CCDC3: variants seen among roughly 807,000 people sequenced by gnomAD.
CCDC3 encodes the protein coiled-coil domain-containing protein 3.
A neutral mutation model predicts 21.4 loss-of-function variants in CCDC3; 24 were observed. The ratio of observed to expected loss-of-function variants is 1.12; its 90% CI spans 0.81 to 1.58. The LOEUF is 1.58. CCDC3 is among the 40% of genes most tolerant of loss of function. The pLI is 0.00. For missense variants in CCDC3, 425 were observed against 360.9 expected (o/e 1.18, Z -1.44); for synonymous variants, 186 against 166.0 (o/e 1.12, Z -0.93).
At chr10:12,981,308 TA>T (rs1253243911) in intron 2 of CCDC3, among the ~76,000 whole-genome samples, 1 of 150,592 alleles carries the variant, frequency 6.6e-6, no homozygotes, top group Non-Finnish European at 1.5e-5. Context: ...GCCTCCCGAG[TA>T]GGTAGAATTA....
At chr10:12,917,423 C>T (rs1364068775) in intron 2 of CCDC3, among the ~76,000 whole-genome samples, 1 of 151,934 alleles carries the variant, frequency 6.6e-6, no homozygotes, top group African/African-American at 2.4e-5. Flanking sequence ...GTCTCGATCT[C>T]CTGACCTCGT....
chr10:12,916,621 GAAAA>G (rs71386130), intron 2 of CCDC3, among the ~76,000 whole-genome samples: 1 of 142,284 alleles, frequency 7.0e-6, no homozygotes, highest in Non-Finnish European at 1.5e-5. Flanking sequence ...CTCCATCTCA[GAAAA>G]AAAAAAAAAT....
At position 13,040,373 on chromosome 10, in the gene CCDC3, G is replaced by A. The variant is rs75693311; in HGVS notation, c.-2+9301C>T. On this transcript the variant is annotated intron_variant, in intron 5 of 6. Transcript: ENST00000378839. ...AAGGAAGTGAGCCTTATCTATCAGT[G>A]GAGGTTGAACAACCAGCAACGTGAG... is the stretch of plus-strand genomic sequence containing the variant. Among the ~76,000 whole-genome samples, 1,348 of 152,278 alleles carry A rather than the reference G, an allele frequency of 8.9e-3. 17 individuals are homozygous for A. Among genetic ancestry groups the A allele is most frequent in the Middle Eastern group, 0.024 (7 of 294 alleles).
chr10:13,046,446 C>A (rs1836531153), intron 5 of CCDC3, among the ~76,000 whole-genome samples: 1 of 151,634 alleles, frequency 6.6e-6, no homozygotes. Flanking sequence ...GTGGCTCATG[C>A]CTGTAATCCC....
intron 4 of CCDC3, among the ~76,000 whole-genome samples, chr10:13,064,963 G>C (rs925233455): frequency 6.6e-6 from 1 of 152,112 alleles, no homozygotes. Flanking sequence ...TCGGTGAGCA[G>C]AGGGATGACT....
intron 2 of CCDC3, among the ~76,000 whole-genome samples, chr10:12,948,491 ACACG>A (rs1834955905): frequency 1.3e-5 from 2 of 148,598 alleles, no homozygotes; most frequent in East Asian, 2.1e-4. Flanking sequence ...ACACACACAC[ACACG>A]GGAGGGGCCA....
chr10:12,921,748 GTT>G (rs966049455), intron 2 of CCDC3, among the ~76,000 whole-genome samples: 2 of 151,990 alleles, frequency 1.3e-5, no homozygotes, highest in Admixed American at 6.5e-5. Context: ...TCTGTTTTTT[GTT>G]TTTTGTTTTT....
chr10:12,983,127 AGTG>A, intron 2 of CCDC3, among the ~76,000 whole-genome samples: 1 of 47,858 alleles, frequency 2.1e-5, no homozygotes, highest in African/African-American at 7.1e-5. Context: ...TAAATAAAAT[AGTG>A]TATATATATA....
rs567396330 is a variant in CCDC3, at chr10:13,021,316, C to T, written c.-1-22804G>A. Among the ~76,000 whole-genome samples the T allele has an allele frequency of 4.6e-5, 7 of 152,322 alleles. No homozygotes were observed. The East Asian group carries it at 1.4e-3, about 29-fold the overall frequency. Reference sequence around the variant, plus strand: ...TCCTATCAATCACAGCTTAATCTTGCTGTGCTCTCCAGGTCTTCACTCAAA... The same window carrying T: ...TCCTATCAATCACAGCTTAATCTTGTTGTGCTCTCCAGGTCTTCACTCAAA... On this transcript the variant is annotated intron_variant, in intron 5 of 6. Coordinates refer to the CCDC3 transcript ENST00000378839.
At chr10:13,041,935 G>C (rs950961248) in intron 5 of CCDC3, among the ~76,000 whole-genome samples, 1 of 152,182 alleles carries the variant, frequency 6.6e-6, no homozygotes, top group African/African-American at 2.4e-5. Context: ...CCCTGGCAGA[G>C]AATCTTGATG....
intron 5 of CCDC3, among the ~76,000 whole-genome samples, chr10:13,033,377 C>A (rs1308829830): frequency 1.3e-5 from 2 of 152,284 alleles, no homozygotes; most frequent in African/African-American, 4.8e-5. Flanking sequence ...AGGCCTGAAA[C>A]CATAAAAACC....
chr10:13,042,084 T>C (rs1836464944), intron 5 of CCDC3, among the ~76,000 whole-genome samples: 1 of 152,206 alleles, frequency 6.6e-6, no homozygotes, highest in African/African-American at 2.4e-5. Flanking sequence ...TGAGATGTCG[T>C]GGATGAAACA....
At chr10:12,906,642 C>T (rs1226127825) in intron 2 of CCDC3, among the ~76,000 whole-genome samples, 3 of 152,156 alleles carry the variant, frequency 2.0e-5, no homozygotes, top group Non-Finnish European at 2.9e-5. Flanking sequence ...CCACTCAGCC[C>T]CACCATCGGA....
chr10:13,055,327 A>G (rs1836667279), intron 4 of CCDC3, among the ~76,000 whole-genome samples: 1 of 150,310 alleles, frequency 6.7e-6, no homozygotes, highest in Admixed American at 6.6e-5. Flanking sequence ...TGGGGAACAG[A>G]ATCCACTTCT....
At chr10:13,067,125 C>T (rs1011165937) in intron 4 of CCDC3, among the ~76,000 whole-genome samples, 2 of 152,198 alleles carry the variant, frequency 1.3e-5, no homozygotes, top group African/African-American at 2.4e-5. Flanking sequence ...GGAAACTGCA[C>T]ACCCCCTCAC....
intron 2 of CCDC3, among the ~76,000 whole-genome samples, chr10:12,991,636 G>C (rs1835684557): frequency 6.6e-6 from 1 of 152,096 alleles, no homozygotes; most frequent in Admixed American, 6.6e-5. Flanking sequence ...TCCTGGCTTT[G>C]AACACACGTT....
At chr10:13,022,044 G>C (rs1448397305) in intron 5 of CCDC3, among the ~76,000 whole-genome samples, 1 of 152,106 alleles carries the variant, frequency 6.6e-6, no homozygotes, top group Non-Finnish European at 1.5e-5. Flanking sequence ...ACAGGTGTGA[G>C]CTACCACGCC....
chr10:13,072,958 C>A (rs1229717042), intron 4 of CCDC3, among the ~76,000 whole-genome samples: 2 of 150,132 alleles, frequency 1.3e-5, no homozygotes, highest in Non-Finnish European at 3.0e-5. Flanking sequence ...CCTCCACCTC[C>A]TGGGTTCAAG....
At chr10:12,949,190 G>A (rs974937459) in intron 2 of CCDC3, among the ~76,000 whole-genome samples, 1 of 152,104 alleles carries the variant, frequency 6.6e-6, no homozygotes, top group Non-Finnish European at 1.5e-5. Flanking sequence ...AGTAAAAGCT[G>A]CTAAGAGAAC....
Sources: gnomAD v4.1 joint callset for allele counts (sites outside exome capture counted in the v4.1 genomes callset) on GRCh38, gnomAD v4.1.1 for gene constraint, MANE v1.5 for transcripts, NCBI Gene and HGNC (gene_info 2026-07-23, HGNC 2026-07-21) for gene names.